Variants in SPDYE14 observed in about 807,000 individuals in gnomAD.
SPDYE14 encodes the protein speedy protein E14.
chr7:75,247,389 C>T, the SPDYE14 span, among the ~76,000 whole-genome samples: 1 of 29,194 alleles, frequency 3.4e-5, no homozygotes, highest in Non-Finnish European at 8.7e-5. Flanking sequence ...AAATGAAAGG[C>T]CAAAGAAAGA....
At chr7:75,260,983 G>A in the SPDYE14 span, among the ~76,000 whole-genome samples, 27,525 of 56,366 alleles carry the variant, frequency 0.49, 11,794 homozygotes, top group Middle Eastern at 0.82. Flanking sequence ...AAATTAGCTA[G>A]ATGTGGTGGT....
the SPDYE14 span, among the ~76,000 whole-genome samples, chr7:75,279,864 G>A: frequency 4.9e-5 from 2 of 40,828 alleles, 1 homozygote; most frequent in African/African-American, 1.3e-4. Context: ...GATTACAGGC[G>A]TGAGCCACTG....
chr7:75,237,668 CCCGGCGCG>C, the SPDYE14 span: 1 of 95,826 alleles, frequency 1.0e-5, no homozygotes, highest in East Asian at 5.7e-4. Flanking sequence ...GCGCGCGGCG[CCCGGCGCG>C]GGGAGCAGCT....
chr7:75,266,001 G>GA, the SPDYE14 span, among the ~76,000 whole-genome samples: 4 of 72,534 alleles, frequency 5.5e-5, no homozygotes, highest in African/African-American at 1.7e-4. Flanking sequence ...GAAAAAAAAA[G>GA]AAAAAAAATT....
the SPDYE14 span, among the ~76,000 whole-genome samples, chr7:75,268,893 GAA>G: frequency 1.0e-3 from 24 of 23,500 alleles, 1 homozygote; most frequent in African/African-American, 1.9e-3. Flanking sequence ...GAGAGAGAGA[GAA>G]AGGAAATGGC....
the SPDYE14 span, among the ~76,000 whole-genome samples, chr7:75,274,499 CT>C: frequency 2.3e-4 from 3 of 13,048 alleles, no homozygotes; most frequent in African/African-American, 5.5e-4. Context: ...CTAGTCCTGG[CT>C]TTTTTTTTTT....
chr7:75,266,112 A>T, the SPDYE14 span, among the ~76,000 whole-genome samples: 1 of 55,674 alleles, frequency 1.8e-5, no homozygotes, highest in Non-Finnish European at 3.9e-5. Context: ...TGATTTGAGG[A>T]CTTGTATGAC....
At chr7:75,245,428 G>GAAAA in the SPDYE14 span, among the ~76,000 whole-genome samples, 2 of 67,762 alleles carry the variant, frequency 3.0e-5, no homozygotes, top group Non-Finnish European at 3.0e-5. Flanking sequence ...ATGTCTCAAA[G>GAAAA]AAAAAAAAAA....
the SPDYE14 span, among the ~76,000 whole-genome samples, chr7:75,240,973 G>A: frequency 3.0e-4 from 1 of 3,324 alleles, no homozygotes; most frequent in Non-Finnish European, 8.0e-4. Flanking sequence ...ATGTGGTGGC[G>A]TGCACCTGTA....
the SPDYE14 span, among the ~76,000 whole-genome samples, chr7:75,247,507 GGAAAGAAA>G: frequency 2.0e-4 from 23 of 116,636 alleles, 1 homozygote; most frequent in African/African-American, 5.6e-4. Context: ...GAAAGAAAGA[GGAAAGAAA>G]GAAAGAAAGA....
At chr7:75,278,995 T>G in the SPDYE14 span, among the ~76,000 whole-genome samples, 1 of 115,566 alleles carries the variant, frequency 8.7e-6, no homozygotes, top group African/African-American at 4.4e-5. Flanking sequence ...ATGATCTGAT[T>G]TACACTTGCA....
At chr7:75,247,589 T>TTC in the SPDYE14 span, among the ~76,000 whole-genome samples, 15 of 3,802 alleles carry the variant, frequency 3.9e-3, 1 homozygote, top group Non-Finnish European at 8.5e-3. Context: ...TTAATTCTTC[T>TTC]TTTTTTTTTT....
At chr7:75,241,669 TA>T in the SPDYE14 span, among the ~76,000 whole-genome samples, 6 of 22,668 alleles carry the variant, frequency 2.6e-4, 1 homozygote, top group African/African-American at 3.2e-4. Context: ...TGGGTCTTGG[TA>T]AAAAAAAAAA....
chr7:75,267,673 GT>G, the SPDYE14 span, among the ~76,000 whole-genome samples: 7 of 85,196 alleles, frequency 8.2e-5, no homozygotes, highest in Admixed American at 1.4e-4. Flanking sequence ...TTCACCTGCT[GT>G]TTTTTTTTTC....
the SPDYE14 span, among the ~76,000 whole-genome samples, chr7:75,246,536 G>A: frequency 6.7e-4 from 1 of 1,482 alleles, no homozygotes; most frequent in Admixed American, 0.011. Context: ...CAGCTACTCA[G>A]GAGGCTGAGC....
At chr7:75,262,343 A>G in the SPDYE14 span, among the ~76,000 whole-genome samples, 5 of 75,540 alleles carry the variant, frequency 6.6e-5, 1 homozygote, top group Non-Finnish European at 1.3e-4. Flanking sequence ...TTGAAACTCC[A>G]TAAACCAACA....
chr7:75,257,302 A>G, the SPDYE14 span, among the ~76,000 whole-genome samples: 71,323 of 111,088 alleles, frequency 0.64, 26,711 homozygotes, highest in East Asian at 0.94. Context: ...GAATGAATGC[A>G]TGGACAAAGC....
chr7:75,245,409 A>G, the SPDYE14 span, among the ~76,000 whole-genome samples: 1 of 121,076 alleles, frequency 8.3e-6, no homozygotes, highest in African/African-American at 3.2e-5. Context: ...TGACAGAGTG[A>G]GTGAGACTAT....
chr7:75,260,115 T>A, the SPDYE14 span, among the ~76,000 whole-genome samples: 1 of 62,282 alleles, frequency 1.6e-5, no homozygotes, highest in Non-Finnish European at 3.3e-5. Context: ...AGATCTATTT[T>A]TTTTTTTTTT....
Sources: allele counts gnomAD v4.1 joint callset (sites outside exome capture counted in the v4.1 genomes callset), GRCh38; gene constraint gnomAD v4.1.1; transcripts MANE v1.5; gene names NCBI Gene and HGNC (gene_info 2026-07-23, HGNC 2026-07-21).